The following HRH1 variants were observed in gnomAD, a reference collection of about 807,000 sequenced individuals.
The protein encoded by HRH1 is histamine receptor H1.
HRH1 carries 6 observed loss-of-function variants against 10.3 expected under a neutral mutation model. The observed-to-expected ratio is 0.58, with a 90% CI of 0.32 to 1.15. HRH1 has a LOEUF of 1.15. Ranked by LOEUF, HRH1 falls within the 50% of genes most tolerant of loss-of-function variation. The probability of loss-of-function intolerance (pLI) is 0.05; values close to 1 mark genes in which losing one functional copy is unlikely to be tolerated. For missense variants in HRH1, 514 were observed against 615.3 expected (o/e 0.84, Z 1.74); for synonymous variants, 242 against 236.7 (o/e 1.02, Z -0.21).
intron 1 of HRH1, among the ~76,000 whole-genome samples, chr3:11,195,564 G>C (rs1268622456): frequency 6.6e-6 from 1 of 152,236 alleles, no homozygotes; most frequent in Non-Finnish European, 1.5e-5. Context: ...GCAGAACCAA[G>C]TGACTCTCAT....
intron 1 of HRH1, among the ~76,000 whole-genome samples, chr3:11,243,685 C>A (rs937814533): frequency 3.3e-5 from 5 of 152,184 alleles, no homozygotes; most frequent in African/African-American, 1.2e-4. Flanking sequence ...TTGAGTCTTT[C>A]TTCTACTGAG....
intron 1 of HRH1, among the ~76,000 whole-genome samples, chr3:11,213,002 A>G (rs923080612): frequency 1.3e-5 from 2 of 152,022 alleles, no homozygotes; most frequent in South Asian, 4.1e-4. Flanking sequence ...TGCATGACTC[A>G]TTTCCTTTAG....
At chr3:11,246,809 G>A (rs1215163983) in intron 1 of HRH1, among the ~76,000 whole-genome samples, 1 of 152,090 alleles carries the variant, frequency 6.6e-6, no homozygotes, top group Non-Finnish European at 1.5e-5. Flanking sequence ...ACTTTGGGAG[G>A]CTTAGGAGGG....
chr3:11,220,470 C>T (rs1336777740), intron 1 of HRH1, among the ~76,000 whole-genome samples: 1 of 152,216 alleles, frequency 6.6e-6, no homozygotes, highest in Admixed American at 6.5e-5. Context: ...GGGTTTCCTA[C>T]AACCCAGTGC....
intron 1 of HRH1, among the ~76,000 whole-genome samples, chr3:11,191,606 G>C (rs868685808): frequency 6.6e-6 from 1 of 152,180 alleles, no homozygotes; most frequent in South Asian, 2.1e-4. Context: ...CTCTTTCTAC[G>C]GGAAAGATAG....
At chr3:11,170,744 C>T (rs150319461) in intron 1 of HRH1, among the ~76,000 whole-genome samples, 49 of 152,294 alleles carry the variant, frequency 3.2e-4, no homozygotes, top group South Asian at 2.9e-3. Flanking sequence ...GGGAAAGCCC[C>T]CTGGAGGATG....
chr3:11,234,516 G>A, intron 1 of HRH1: 1 of 1,429,266 alleles, frequency 7.0e-7, no homozygotes, highest in East Asian at 2.3e-5. Flanking sequence ...ATTCCCCCAA[G>A]GCATGGACGG....
chr3:11,205,252 G>A (rs968390364), intron 1 of HRH1, among the ~76,000 whole-genome samples: 6 of 152,112 alleles, frequency 3.9e-5, no homozygotes, highest in Admixed American at 6.5e-5. Context: ...AGAACGCATT[G>A]TACGGAAACT....
At chr3:11,219,016 A>C (rs756132272) in intron 1 of HRH1, among the ~76,000 whole-genome samples, 13 of 152,142 alleles carry the variant, frequency 8.5e-5, no homozygotes, top group Non-Finnish European at 1.6e-4. Context: ...TCAGCCTCTG[A>C]GTAGCTGGGA....
At chr3:11,147,621 A>G (rs1425548467) in intron 1 of HRH1, among the ~76,000 whole-genome samples, 1 of 152,184 alleles carries the variant, frequency 6.6e-6, no homozygotes, top group South Asian at 2.1e-4. Flanking sequence ...AGAAAAAAAA[A>G]AGACTGGTTT....
chr3:11,158,256 C>G (rs73130413), intron 1 of HRH1, among the ~76,000 whole-genome samples: 2 of 152,264 alleles, frequency 1.3e-5, no homozygotes, highest in Admixed American at 1.3e-4. Context: ...TTTAACTTTT[C>G]TCCCACCCTT....
chr3:11,156,783 T>C (rs1376148282), intron 1 of HRH1, among the ~76,000 whole-genome samples: 1 of 152,226 alleles, frequency 6.6e-6, no homozygotes, highest in African/African-American at 2.4e-5. Context: ...TTGTTGTTGC[T>C]ATTAAGGCCA....
At chr3:11,245,406 C>G (rs1939453522) in intron 1 of HRH1, among the ~76,000 whole-genome samples, 1 of 152,094 alleles carries the variant, frequency 6.6e-6, no homozygotes, top group South Asian at 2.1e-4. Flanking sequence ...CAAATCTTAA[C>G]TTAGCAACCA....
chr3:11,236,415 C>G (rs971591130), intron 1 of HRH1, among the ~76,000 whole-genome samples: 1 of 146,658 alleles, frequency 6.8e-6, no homozygotes, highest in Admixed American at 6.9e-5. Flanking sequence ...GGAGACAGAG[C>G]GAGACTCCGT....
intron 1 of HRH1, among the ~76,000 whole-genome samples, chr3:11,192,143 A>T (rs1198140423): frequency 6.6e-6 from 1 of 152,142 alleles, no homozygotes; most frequent in African/African-American, 2.4e-5. Context: ...TTTTTATTGA[A>T]CTATAATATA....
chr3:11,201,448 G>A (rs191492191), intron 1 of HRH1, among the ~76,000 whole-genome samples: 5 of 152,254 alleles, frequency 3.3e-5, no homozygotes, highest in Admixed American at 1.3e-4. Context: ...GACTAGACTT[G>A]GGGGACGGTA....
At chr3:11,190,625 T>G (rs1937518240) in intron 1 of HRH1, among the ~76,000 whole-genome samples, 1 of 151,906 alleles carries the variant, frequency 6.6e-6, no homozygotes, top group Non-Finnish European at 1.5e-5. Context: ...ACTCCTGAGC[T>G]CAGACAATCT....
At chr3:11,156,803 A>T (rs1936813070) in intron 1 of HRH1, among the ~76,000 whole-genome samples, 1 of 152,240 alleles carries the variant, frequency 6.6e-6, no homozygotes. Flanking sequence ...AAACAATCCC[A>T]GCTCTGTATC....
intron 1 of HRH1, among the ~76,000 whole-genome samples, chr3:11,201,624 A>C (rs969304635): frequency 6.6e-6 from 1 of 152,186 alleles, no homozygotes; most frequent in Non-Finnish European, 1.5e-5. Context: ...TCCAAGAAAC[A>C]GGCTGAAAAA....
Sources: allele counts gnomAD v4.1 joint callset (sites outside exome capture counted in the v4.1 genomes callset), GRCh38; gene constraint gnomAD v4.1.1; transcripts MANE v1.5; gene names NCBI Gene and HGNC (gene_info 2026-07-23, HGNC 2026-07-21).